DTNB: variants seen among roughly 807,000 people sequenced by gnomAD.
The protein encoded by DTNB is dystrobrevin beta.
In DTNB, 63 loss-of-function variants were observed where a neutral mutation model predicts 90.7. The ratio of observed to expected loss-of-function variants is 0.69; its 90% CI spans 0.57 to 0.86. The LOEUF is 0.86. Among genes scored for constraint, DTNB ranks in the 40% least tolerant of loss-of-function variants. DTNB has a pLI of 0.00. For synonymous variants in DTNB, 277 were observed against 286.7 expected (o/e 0.97, Z 0.34); for missense variants, 744 against 807.1 (o/e 0.92, Z 0.95).
intron 8 of DTNB, among the ~76,000 whole-genome samples, chr2:25,545,473 T>A (rs535438799): frequency 6.6e-6 from 1 of 152,290 alleles, no homozygotes; most frequent in South Asian, 2.1e-4. Context: ...ACAGAGGGAT[T>A]TTTTTTGTCT....
At position 25,596,259 on chromosome 2, in the gene DTNB, A is replaced by G; in HGVS notation, c.449-19T>C. On this transcript the variant is annotated intron_variant, in intron 5 of 20. Coordinates refer to ENST00000406818, the MANE Select transcript of DTNB (RefSeq NM_021907.5). Reference sequence around the variant, plus strand: ...AAAACATCTATGAGAACAAAACCAAATAAAGTCAAGCTATAAGGAAATATC... The same window carrying G: ...AAAACATCTATGAGAACAAAACCAAGTAAAGTCAAGCTATAAGGAAATATC... 1 of 1,587,598 alleles carries G rather than the reference A, an allele frequency of 6.3e-7. No individual in the cohort carries two copies. The highest frequency in any genetic ancestry group is 8.6e-7 in the Non-Finnish European group (1 of 1,168,904).
At chr2:25,638,102 C>T (rs932859962) in intron 3 of DTNB, among the ~76,000 whole-genome samples, 1 of 152,134 alleles carries the variant, frequency 6.6e-6, no homozygotes. Flanking sequence ...AGCAAACTAT[C>T]GCAAGGACAG....
intron 9 of DTNB, among the ~76,000 whole-genome samples, chr2:25,512,210 A>C (rs2074093827): frequency 6.6e-6 from 1 of 152,184 alleles, no homozygotes; most frequent in African/African-American, 2.4e-5. Flanking sequence ...AAAACTCATA[A>C]AAAATACAGA....
At chr2:25,443,726 G>A (rs10181502) in intron 12 of DTNB, among the ~76,000 whole-genome samples, 7 of 152,206 alleles carry the variant, frequency 4.6e-5, no homozygotes, top group African/African-American at 1.7e-4. Flanking sequence ...TCAGAAGGCT[G>A]GGAGTTTTCT....
In DTNB at chr2:25,471,403, T is replaced by C. The variant is rs202056478; in HGVS notation, c.1079+11393A>G. Among the ~76,000 whole-genome samples the C allele has an allele frequency of 3.4e-4, 47 of 137,802 alleles. No homozygotes were observed. The East Asian group carries it at 5.5e-3, about 16-fold the overall frequency. 90.4% of individuals were successfully genotyped at this position (137,802 alleles called of 152,430 possible). A position where few individuals can be genotyped will look rare whatever the true frequency, so the allele number is the denominator to read the frequency against. On this transcript the variant is annotated intron_variant, in intron 10 of 20. Coordinates refer to ENST00000406818, the MANE Select transcript of DTNB (RefSeq NM_021907.5). The stretch of plus-strand genomic sequence containing the variant: ...ATGAAAAATCTTTTTTTTTTTTTTT[T>C]CCCGAGACGGAGTCTCACTCACTCT...
chr2:25,549,045 C>T (rs571471457), intron 8 of DTNB, among the ~76,000 whole-genome samples: 1 of 152,168 alleles, frequency 6.6e-6, no homozygotes, highest in South Asian at 2.1e-4. Context: ...GTTGTTTTGT[C>T]TCATGTTAAT....
chr2:25,668,955 T>G (rs951861103), intron 1 of DTNB, among the ~76,000 whole-genome samples: 7 of 152,210 alleles, frequency 4.6e-5, no homozygotes, highest in Admixed American at 4.6e-4. Context: ...AAAAAGGAAA[T>G]TTTCACACAT....
At chr2:25,521,894 C>T (rs2076204386) in intron 9 of DTNB, among the ~76,000 whole-genome samples, 2 of 152,218 alleles carry the variant, frequency 1.3e-5, no homozygotes, top group South Asian at 2.1e-4. Flanking sequence ...GGCTCTTTCT[C>T]GCTAGAATTC....
intron 8 of DTNB, among the ~76,000 whole-genome samples, chr2:25,575,997 A>T (rs2060589280): frequency 6.6e-6 from 1 of 152,216 alleles, no homozygotes; most frequent in Non-Finnish European, 1.5e-5. Flanking sequence ...CTATTTTAAA[A>T]ACTACTTTTG....
chr2:25,543,582 G>A (rs192962664), intron 8 of DTNB, among the ~76,000 whole-genome samples: 16 of 152,226 alleles, frequency 1.1e-4, no homozygotes, highest in African/African-American at 3.6e-4. Context: ...GGGATTATAG[G>A]CATGAGCCAC....
chr2:25,514,579 A>G (rs1225568050), intron 9 of DTNB, among the ~76,000 whole-genome samples: 1 of 149,388 alleles, frequency 6.7e-6, no homozygotes, highest in Admixed American at 6.8e-5. Context: ...ACTAGATCTG[A>G]ATTTTCATCT....
At chr2:25,646,487 C>T (rs1430825903) in intron 2 of DTNB, among the ~76,000 whole-genome samples, 1 of 151,874 alleles carries the variant, frequency 6.6e-6, no homozygotes, top group Non-Finnish European at 1.5e-5. Flanking sequence ...AAAAAAGATA[C>T]AAGAAACTTA....
At chr2:25,408,685 A>G (rs972218021) in intron 16 of DTNB, among the ~76,000 whole-genome samples, 2 of 152,026 alleles carry the variant, frequency 1.3e-5, no homozygotes, top group African/African-American at 4.8e-5. Flanking sequence ...CCAAAGTATG[A>G]TTAGGAGTAA....
chr2:25,479,205 TAA>T (rs1438459205), intron 10 of DTNB, among the ~76,000 whole-genome samples: 1 of 152,232 alleles, frequency 6.6e-6, no homozygotes, highest in East Asian at 1.9e-4. Flanking sequence ...TAAGTATCCA[TAA>T]ACACAGCTAA....
intron 9 of DTNB, among the ~76,000 whole-genome samples, chr2:25,506,876 AATCATTATCATACAGAAT>A (rs1413883828): frequency 6.6e-6 from 1 of 152,220 alleles, no homozygotes; most frequent in Non-Finnish European, 1.5e-5. Flanking sequence ...TCTACCAAAG[AATCATTATCATACAGAAT>A]ATCATCTCTC....
chr2:25,627,177 C>T (rs1172322124), intron 4 of DTNB, among the ~76,000 whole-genome samples: 1 of 152,146 alleles, frequency 6.6e-6, no homozygotes, highest in African/African-American at 2.4e-5. Flanking sequence ...GTTTGGGAAG[C>T]CAAGGTGGGC....
At chr2:25,466,947 G>A (rs1245219202) in intron 10 of DTNB, among the ~76,000 whole-genome samples, 4 of 152,186 alleles carry the variant, frequency 2.6e-5, no homozygotes, top group Admixed American at 1.3e-4. Flanking sequence ...AAAGAGTTCC[G>A]TCAAAGTGAT....
chr2:25,397,871 CTG>C (rs1333528734), intron 16 of DTNB, among the ~76,000 whole-genome samples: 2 of 112,972 alleles, frequency 1.8e-5, no homozygotes, highest in Non-Finnish European at 3.3e-5. Context: ...CAGAGCAAGA[CTG>C]TCTCAAAAAA....
intron 6 of DTNB, among the ~76,000 whole-genome samples, chr2:25,593,204 T>C (rs1375711823): frequency 6.6e-6 from 1 of 152,226 alleles, no homozygotes; most frequent in Admixed American, 6.5e-5. Flanking sequence ...ATACTTTCTC[T>C]TTAATTGTGA....
Sources: gnomAD v4.1 joint callset for allele counts (sites outside exome capture counted in the v4.1 genomes callset) on GRCh38, gnomAD v4.1.1 for gene constraint, MANE v1.5 for transcripts, NCBI Gene and HGNC (gene_info 2026-07-23, HGNC 2026-07-21) for gene names.